The following NHS variants were observed in gnomAD, a reference collection of about 807,000 sequenced individuals.
NHS encodes actin remodeling regulator NHS.
Under a neutral mutation model 72.5 loss-of-function variants are expected in NHS, and 5 were observed. That is an observed-to-expected ratio of 0.07 (90% CI 0.04 to 0.14). The LOEUF (loss-of-function observed/expected upper bound fraction) is 0.14, where lower values mean the gene tolerates loss of function less well. Ranked by LOEUF, NHS falls within the 10% of genes least tolerant of loss-of-function variation. The pLI, the probability that NHS is intolerant of heterozygous loss-of-function variation, is 1.00. For synonymous variants in NHS, 464 were observed against 547.7 expected, an observed-to-expected ratio of 0.85 and a Z score of 2.13; for missense variants, 1,072 against 1,355.7, an observed-to-expected ratio of 0.79 and a Z score of 3.29.
At chrX:17,468,644 C>T (rs1004745177) in intron 1 of NHS, among the ~76,000 whole-genome samples, 1 of 110,517 alleles carries the variant, frequency 9.0e-6, no homozygotes, top group African/African-American at 3.3e-5. Flanking sequence ...CCTCGACCTT[C>T]TGGGCTCAAA....
intron 1 of NHS, among the ~76,000 whole-genome samples, chrX:17,596,925 G>A (rs1176314048): frequency 9.0e-6 from 1 of 110,869 alleles, no homozygotes; most frequent in Non-Finnish European, 1.9e-5. Flanking sequence ...CAAAGAGAAA[G>A]TGTGGAGGAT....
chrX:17,595,063 A>T (rs1333208696), intron 1 of NHS, among the ~76,000 whole-genome samples: 1 of 111,693 alleles, frequency 9.0e-6, no homozygotes, highest in Non-Finnish European at 1.9e-5. Context: ...AGTTAAGGGG[A>T]TCTGGGTGGA....
intron 1 of NHS, among the ~76,000 whole-genome samples, chrX:17,564,969 AT>A (rs201932159): frequency 5.0e-5 from 5 of 99,942 alleles, no homozygotes; most frequent in African/African-American, 2.3e-4. Flanking sequence ...GTACAGCCAC[AT>A]TTTTTTTTAT....
intron 1 of NHS, among the ~76,000 whole-genome samples, chrX:17,595,751 T>G (rs2065621586): frequency 8.9e-6 from 1 of 112,333 alleles, no homozygotes; most frequent in Non-Finnish European, 1.9e-5. Flanking sequence ...AGTCATAGGA[T>G]CTTGTTGAAA....
rs147472387 is a variant in NHS at position 17,427,815 on chromosome X, T to C, written c.565+51493T>C. On this transcript the variant is annotated intron_variant, in intron 1 of 8. Transcript: ENST00000676302. ...ATTTTTTAAAAAATCAAGCACCCCTTGTGTATTTTACATTTGATATCTGAA... is the reference window on the plus strand; with the variant it reads ...ATTTTTTAAAAAATCAAGCACCCCTCGTGTATTTTACATTTGATATCTGAA... Among the ~76,000 whole-genome samples, 3 of 112,531 alleles carry C rather than the reference T, an allele frequency of 2.7e-5. No homozygotes were observed. In the East Asian group the frequency reaches 8.4e-4, roughly 31 times the overall value.
At chrX:17,625,632 G>A (rs1367169335) in intron 1 of NHS, among the ~76,000 whole-genome samples, 1 of 112,210 alleles carries the variant, frequency 8.9e-6, no homozygotes, top group African/African-American at 3.2e-5. Context: ...AGCCAGCAAT[G>A]TGCATTAGAA....
At chrX:17,590,594 A>G (rs1274093552) in intron 1 of NHS, among the ~76,000 whole-genome samples, 3 of 112,122 alleles carry the variant, frequency 2.7e-5, no homozygotes, top group African/African-American at 9.7e-5. Context: ...ACTGGCAGTA[A>G]AATGCCAAAA....
chrX:17,588,001 A>G (rs1296871959), intron 1 of NHS, among the ~76,000 whole-genome samples: 1 of 112,257 alleles, frequency 8.9e-6, no homozygotes, highest in African/African-American at 3.2e-5. Flanking sequence ...GGTGGCTCCA[A>G]TGATAAAGAT....
intron 1 of NHS, among the ~76,000 whole-genome samples, chrX:17,655,356 C>G (rs2065948328): frequency 8.9e-6 from 1 of 111,958 alleles, no homozygotes; most frequent in Non-Finnish European, 1.9e-5. Flanking sequence ...AACGCGCAGC[C>G]CCAGCGGTCG....
intron 1 of NHS, among the ~76,000 whole-genome samples, chrX:17,572,491 CTTTTTTTTT>C (rs760577193): frequency 0.051 from 2,399 of 46,801 alleles, 118 homozygotes; most frequent in African/African-American, 0.2. Flanking sequence ...GCAACCCCTG[CTTTTTTTTT>C]TTTTTTTTTT....
intron 1 of NHS, among the ~76,000 whole-genome samples, chrX:17,570,634 C>T (rs2065472553): frequency 8.9e-6 from 1 of 111,851 alleles, no homozygotes; most frequent in Non-Finnish European, 1.9e-5. Context: ...ATCTGACTTC[C>T]TCTCTTCCTA....
chrX:17,620,710 C>T (rs2065768899), intron 1 of NHS, among the ~76,000 whole-genome samples: 1 of 111,660 alleles, frequency 9.0e-6, no homozygotes. Flanking sequence ...AAGTTGAAGC[C>T]TGAATGACCA....
chrX:17,641,224 A>G (rs1241061089), intron 1 of NHS, among the ~76,000 whole-genome samples: 3 of 111,930 alleles, frequency 2.7e-5, no homozygotes, highest in East Asian at 5.6e-4. Flanking sequence ...ATAAGCTAAA[A>G]GTCACTCCAT....
chrX:17,610,092 A>T (rs2065702535), intron 1 of NHS, among the ~76,000 whole-genome samples: 1 of 111,971 alleles, frequency 8.9e-6, no homozygotes, highest in East Asian at 2.8e-4. Flanking sequence ...ATGATCTCTT[A>T]TATCCAACTG....
At chrX:17,699,519 G>A (rs1357567225) in intron 3 of NHS, among the ~76,000 whole-genome samples, 1 of 112,031 alleles carries the variant, frequency 8.9e-6, no homozygotes, top group Non-Finnish European at 1.9e-5. Context: ...TTTGATCAGT[G>A]TTTCTCAACC....
At chrX:17,577,210 A>G (rs1432623006) in intron 1 of NHS, among the ~76,000 whole-genome samples, 1 of 112,307 alleles carries the variant, frequency 8.9e-6, no homozygotes, top group Non-Finnish European at 1.9e-5. Flanking sequence ...AGTAGATTAT[A>G]CATTTTTATG....
intron 1 of NHS, among the ~76,000 whole-genome samples, chrX:17,530,592 A>G (rs1451249330): frequency 1.8e-5 from 2 of 111,402 alleles, no homozygotes; most frequent in Non-Finnish European, 3.8e-5. Flanking sequence ...GCTGTTTAAC[A>G]TGATCCCCAG....
chrX:17,645,046 T>C (rs1290266674), intron 1 of NHS, among the ~76,000 whole-genome samples: 1 of 111,860 alleles, frequency 8.9e-6, no homozygotes, highest in Non-Finnish European at 1.9e-5. Context: ...GAGTTAATCT[T>C]TCAAGTGATA....
chrX:17,393,939 G>T (rs2064459064), intron 1 of NHS, among the ~76,000 whole-genome samples: 1 of 111,479 alleles, frequency 9.0e-6, no homozygotes, highest in Non-Finnish European at 1.9e-5. Context: ...CCTGGCATAG[G>T]CTCAGTTTCC....
Sources: allele counts gnomAD v4.1 joint callset (sites outside exome capture counted in the v4.1 genomes callset), GRCh38; gene constraint gnomAD v4.1.1; transcripts MANE v1.5; gene names NCBI Gene and HGNC (gene_info 2026-07-23, HGNC 2026-07-21).